Variants in DLC1 observed in about 807,000 individuals in gnomAD.
DLC1 encodes DLC1 Rho GTPase activating protein, also known as rho GTPase-activating protein 7.
A neutral mutation model predicts 140.3 loss-of-function variants in DLC1; 54 were observed. That is an observed-to-expected ratio of 0.38 (90% CI 0.31 to 0.48). The LOEUF is 0.48. Ranked by LOEUF, DLC1 falls within the 20% of genes least tolerant of loss-of-function variation. The probability of loss-of-function intolerance (pLI) is 0.96; values close to 1 mark genes in which losing one functional copy is unlikely to be tolerated. For missense variants in DLC1, 2,536 were observed against 1,907.0 expected (o/e 1.33, Z -6.14); for synonymous variants, 986 against 728.1 (o/e 1.35, Z -5.70).
Position 13,133,117 on chromosome 8 carries a change from C to G in DLC1, c.1349-17460G>C, listed in dbSNP as rs1024881112. ...CCTCAACGCATCCTTGCTCGCCGCT[C>G]CCTGCCCCTCGTCACGGCCCCAGAA... On this transcript the variant is annotated intron_variant, in intron 5 of 17. Coordinates refer to ENST00000276297, the MANE Select transcript of DLC1 (RefSeq NM_182643.3). The G allele has an allele frequency of 2.0e-6, 3 of 1,467,214 alleles. No homozygotes were observed. The South Asian group carries it at 4.3e-5, about 21-fold the overall frequency. 90.9% of individuals were successfully genotyped at this position (1,467,214 alleles called of 1,614,324 possible).
chr8:13,526,018 A>C (rs564982718), intron 1 of DLC1, among the ~76,000 whole-genome samples: 6 of 152,278 alleles, frequency 3.9e-5, no homozygotes, highest in African/African-American at 1.2e-4. Context: ...AGTATGGATC[A>C]AAGTTTTTTC....
intron 1 of DLC1, among the ~76,000 whole-genome samples, chr8:13,534,814 A>G (rs1015065133): frequency 6.6e-6 from 1 of 152,106 alleles, no homozygotes; most frequent in Non-Finnish European, 1.5e-5. Context: ...TACATTTTTT[A>G]AAAGTTTTAC....
intron 4 of DLC1, among the ~76,000 whole-genome samples, chr8:13,381,787 G>A (rs1326310439): frequency 1.3e-5 from 2 of 152,130 alleles, no homozygotes; most frequent in Non-Finnish European, 2.9e-5. Flanking sequence ...CATAATAGAT[G>A]ATCAGTACTG....
At chr8:13,148,254 T>C (rs893370229) in intron 5 of DLC1, among the ~76,000 whole-genome samples, 1 of 152,188 alleles carries the variant, frequency 6.6e-6, no homozygotes, top group East Asian at 1.9e-4. Context: ...CAGTACCCAA[T>C]AGTGATCTTT....
At chr8:13,276,136 A>G in intron 5 of DLC1, 1 of 1,347,416 alleles carries the variant, frequency 7.4e-7, no homozygotes, top group East Asian at 2.8e-5. Context: ...CTGCCATGAC[A>G]AGAATGAAAC....
chr8:13,380,312 G>T (rs1245547487), intron 4 of DLC1, among the ~76,000 whole-genome samples: 2 of 152,100 alleles, frequency 1.3e-5, no homozygotes, highest in African/African-American at 4.8e-5. Context: ...CTTTTTTATT[G>T]TGTTCAAATT....
intron 5 of DLC1, among the ~76,000 whole-genome samples, chr8:13,268,573 C>G (rs143462900): frequency 1.3e-5 from 2 of 152,110 alleles, no homozygotes; most frequent in Non-Finnish European, 2.9e-5. Context: ...TTTGTAATGA[C>G]GGAGTCTTGC....
At chr8:13,216,896 G>A (rs972196079) in intron 5 of DLC1, among the ~76,000 whole-genome samples, 1 of 152,122 alleles carries the variant, frequency 6.6e-6, no homozygotes, top group African/African-American at 2.4e-5. Context: ...GGCTTAACCT[G>A]TAATTGTTCT....
At chr8:13,447,629 T>TGATGC (rs1798840257) in intron 2 of DLC1, among the ~76,000 whole-genome samples, 1 of 152,208 alleles carries the variant, frequency 6.6e-6, no homozygotes, top group African/African-American at 2.4e-5. Context: ...ATAAACGTTA[T>TGATGC]AATAAAATAT....
chr8:13,176,457 T>C (rs1225625898), intron 5 of DLC1, among the ~76,000 whole-genome samples: 1 of 152,126 alleles, frequency 6.6e-6, no homozygotes, highest in African/African-American at 2.4e-5. Flanking sequence ...CAGGTGCCTG[T>C]AGTCCCAGCT....
At chr8:13,466,109 C>T (rs74668629) in intron 2 of DLC1, among the ~76,000 whole-genome samples, 5,780 of 152,266 alleles carry the variant, frequency 0.038, 340 homozygotes, top group African/African-American at 0.12. Flanking sequence ...CACACAGCCA[C>T]AATGTGACTC....
At chr8:13,586,062 T>A (rs577521729) in intron 1 of DLC1, among the ~76,000 whole-genome samples, 79 of 152,296 alleles carry the variant, frequency 5.2e-4, no homozygotes, top group Non-Finnish European at 9.6e-4. Context: ...ATTATAATTA[T>A]CTTGGAAGTT....
At chr8:13,358,714 A>G (rs1485284960) in intron 4 of DLC1, among the ~76,000 whole-genome samples, 4 of 152,210 alleles carry the variant, frequency 2.6e-5, no homozygotes, top group Non-Finnish European at 5.9e-5. Flanking sequence ...TAACAAAGAT[A>G]AAGGAAATGG....
chr8:13,514,063 G>A (rs1019388158), intron 1 of DLC1, among the ~76,000 whole-genome samples: 4 of 151,598 alleles, frequency 2.6e-5, no homozygotes, highest in African/African-American at 9.7e-5. Context: ...AACCTTTTAA[G>A]CTGTACAGGA....
At chr8:13,253,787 C>T (rs17793289) in intron 5 of DLC1, among the ~76,000 whole-genome samples, 8,310 of 152,272 alleles carry the variant, frequency 0.055, 286 homozygotes, top group Non-Finnish European at 0.081. Flanking sequence ...ATGCTAATTT[C>T]ATTTCCCCCT....
intron 5 of DLC1, among the ~76,000 whole-genome samples, chr8:13,159,351 AC>A (rs1045731016): frequency 6.6e-6 from 1 of 152,044 alleles, no homozygotes; most frequent in Admixed American, 6.6e-5. Context: ...GGTGCCAGCC[AC>A]CCCAGAGGCT....
intron 2 of DLC1, among the ~76,000 whole-genome samples, chr8:13,433,946 C>CGAGA: frequency 6.6e-6 from 1 of 152,206 alleles, no homozygotes; most frequent in Non-Finnish European, 1.5e-5. Flanking sequence ...ATCTCCGCCT[C>CGAGA]CTGGGTTCAA....
intron 2 of DLC1, among the ~76,000 whole-genome samples, chr8:13,409,753 C>G (rs1487295079): frequency 6.6e-6 from 1 of 152,114 alleles, no homozygotes; most frequent in Non-Finnish European, 1.5e-5. Context: ...TAGTATTTGT[C>G]TCTTTATGTT....
intron 4 of DLC1, among the ~76,000 whole-genome samples, chr8:13,365,143 C>A (rs956205618): frequency 6.6e-6 from 1 of 152,168 alleles, no homozygotes; most frequent in Non-Finnish European, 1.5e-5. Context: ...ATGTCACAAC[C>A]TCTATCCTGT....
Sources: allele counts gnomAD v4.1 joint callset (sites outside exome capture counted in the v4.1 genomes callset), GRCh38; gene constraint gnomAD v4.1.1; transcripts MANE v1.5; gene names NCBI Gene and HGNC (gene_info 2026-07-23, HGNC 2026-07-21).